FAF1: variants seen among roughly 807,000 people sequenced by gnomAD.
FAF1 encodes Fas associated factor 1.
Under a neutral mutation model 92.5 loss-of-function variants are expected in FAF1, and 25 were observed. The observed-to-expected ratio is 0.27, with a 90% CI of 0.20 to 0.38. FAF1 has a LOEUF of 0.38. Ranked by LOEUF, FAF1 falls within the 10% of genes least tolerant of loss-of-function variation. The pLI is 1.00. For synonymous variants in FAF1, 234 were observed against 273.2 expected (o/e 0.86, Z 1.42); for missense variants, 636 against 793.3 (o/e 0.80, Z 2.38).
At chr1:50,612,972 A>G (rs1409035406) in intron 8 of FAF1, among the ~76,000 whole-genome samples, 1 of 152,198 alleles carries the variant, frequency 6.6e-6, no homozygotes, top group African/African-American at 2.4e-5. Context: ...GTCCTTGAAG[A>G]CACAGCCTGG....
intron 12 of FAF1, among the ~76,000 whole-genome samples, chr1:50,572,169 C>T (rs1650475700): frequency 2.0e-5 from 3 of 152,112 alleles, no homozygotes; most frequent in Admixed American, 1.3e-4. Flanking sequence ...ACAATGGATA[C>T]AATGATACAA....
rs1461122782 is a variant in FAF1 at position 50,539,541 on chromosome 1, A to C, written c.1405+51T>G. ...TGTCAGCTTGGGTGGAAAAACTATA[A>C]AGTTATCACATACCAGGAAGGCTTT... On this transcript the variant is annotated intron_variant, in intron 14 of 18. Coordinates refer to ENST00000396153, the MANE Select transcript of FAF1 (RefSeq NM_007051.3). The C allele has an allele frequency of 2.9e-6, 4 of 1,380,556 alleles. No homozygotes were observed. The African/African-American group carries it at 4.4e-5, about 15-fold the overall frequency. The allele number at this position is 1,380,556 out of a possible 1,614,324, so 85.5% of individuals were successfully genotyped here.
intron 3 of FAF1, among the ~76,000 whole-genome samples, chr1:50,790,225 T>C (rs1661513175): frequency 6.6e-6 from 1 of 152,160 alleles, no homozygotes; most frequent in South Asian, 2.1e-4. Flanking sequence ...CACTGCAGCC[T>C]CCACCTCCTG....
At chr1:50,934,478 T>G (rs1645071445) in intron 1 of FAF1, among the ~76,000 whole-genome samples, 2 of 152,304 alleles carry the variant, frequency 1.3e-5, no homozygotes, top group East Asian at 3.9e-4. Flanking sequence ...ATTCTAGCAC[T>G]TTGGGAGGCC....
chr1:50,594,779 G>A (rs1651711600), intron 9 of FAF1, among the ~76,000 whole-genome samples: 1 of 150,500 alleles, frequency 6.6e-6, no homozygotes, highest in Non-Finnish European at 1.5e-5. Flanking sequence ...GCTGAGGCAG[G>A]ACAATCGCTT....
chr1:50,693,982 TA>T (rs1052411410), intron 7 of FAF1, among the ~76,000 whole-genome samples: 1 of 127,836 alleles, frequency 7.8e-6, no homozygotes, highest in African/African-American at 3.6e-5. Flanking sequence ...CAAAGTGATC[TA>T]TATGTATATG....
At chr1:50,917,348 C>G (rs1644925408) in intron 1 of FAF1, among the ~76,000 whole-genome samples, 1 of 152,072 alleles carries the variant, frequency 6.6e-6, no homozygotes, top group South Asian at 2.1e-4. Flanking sequence ...AGGAAGCTGA[C>G]TTCTGCTAGG....
At chr1:50,634,433 C>G (rs139451119) in intron 8 of FAF1, among the ~76,000 whole-genome samples, 1 of 152,260 alleles carries the variant, frequency 6.6e-6, no homozygotes, top group African/African-American at 2.4e-5. Flanking sequence ...ATTAAGAAAT[C>G]GTATCACATA....
intron 7 of FAF1, among the ~76,000 whole-genome samples, chr1:50,692,492 T>C (rs954492197): frequency 4.6e-5 from 7 of 152,110 alleles, no homozygotes; most frequent in Non-Finnish European, 8.8e-5. Context: ...ATCACTGTTC[T>C]CCTCTCTACT....
intron 1 of FAF1, among the ~76,000 whole-genome samples, chr1:50,935,812 C>T (rs768599215): frequency 6.6e-6 from 1 of 152,158 alleles, no homozygotes; most frequent in Non-Finnish European, 1.5e-5. Context: ...TAATTATGAA[C>T]GCTACTAGTG....
chr1:50,624,029 AAAG>A (rs139953889), intron 8 of FAF1, among the ~76,000 whole-genome samples: 306 of 152,120 alleles, frequency 2.0e-3, no homozygotes, highest in Admixed American at 4.4e-3. Flanking sequence ...AAGAAAGAAG[AAAG>A]AAGAAGAAGA....
intron 4 of FAF1, among the ~76,000 whole-genome samples, chr1:50,747,937 A>C (rs151168256): frequency 1.1e-3 from 173 of 152,278 alleles, no homozygotes; most frequent in African/African-American, 4.0e-3. Context: ...TTCCACCACG[A>C]GTAAAGGCTC....
At position 50,543,239 on chromosome 1, in the gene FAF1, TC is replaced by T. The variant is rs1024605717; in HGVS notation, c.1269-3512del. On this transcript the variant is annotated intron_variant, in intron 13 of 18. Coordinates refer to ENST00000396153, the MANE Select transcript of FAF1 (RefSeq NM_007051.3). ...TCATAATTACCTAAGTCACTGGCTT[TC>T]ACCAAGCTATACTCTAACATAAAAT... Among the ~76,000 whole-genome samples, 9 of 152,318 alleles carry T rather than the reference TC, an allele frequency of 5.9e-5. No homozygotes were observed. In the South Asian group the frequency reaches 8.3e-4, roughly 14 times the overall value.
intron 15 of FAF1, among the ~76,000 whole-genome samples, chr1:50,496,755 G>A (rs1032957541): frequency 2.0e-5 from 3 of 152,144 alleles, no homozygotes; most frequent in Non-Finnish European, 4.4e-5. Flanking sequence ...CGGGCATGGT[G>A]GCACATGCCC....
chr1:50,722,448 A>G (rs796078105), intron 6 of FAF1, among the ~76,000 whole-genome samples: 11 of 152,220 alleles, frequency 7.2e-5, no homozygotes, highest in African/African-American at 2.4e-4. Flanking sequence ...GGAGATTGAG[A>G]CCAGCCTGGC....
chr1:50,864,503 T>C (rs1452454249), intron 1 of FAF1, among the ~76,000 whole-genome samples: 1 of 151,988 alleles, frequency 6.6e-6, no homozygotes, highest in Non-Finnish European at 1.5e-5. Flanking sequence ...TATAGATCAA[T>C]GGAACAGAAC....
At chr1:50,714,345 A>AT (rs113011226) in intron 6 of FAF1, among the ~76,000 whole-genome samples, 146 of 150,454 alleles carry the variant, frequency 9.7e-4, no homozygotes, top group African/African-American at 3.4e-3. Context: ...TCTACTAAAA[A>AT]TTAAAAAAAA....
chr1:50,453,337 T>A (rs1156781133), intron 18 of FAF1, among the ~76,000 whole-genome samples: 1 of 152,220 alleles, frequency 6.6e-6, no homozygotes, highest in Non-Finnish European at 1.5e-5. Context: ...TGCGAGCTGG[T>A]GTGTGCATTG....
At chr1:50,586,239 A>C (rs1217315509) in intron 9 of FAF1, among the ~76,000 whole-genome samples, 1 of 152,034 alleles carries the variant, frequency 6.6e-6, no homozygotes, top group Non-Finnish European at 1.5e-5. Context: ...AAGTAGGACT[A>C]CTCTGGTTGA....
Sources: allele counts gnomAD v4.1 joint callset (sites outside exome capture counted in the v4.1 genomes callset), GRCh38; gene constraint gnomAD v4.1.1; transcripts MANE v1.5; gene names NCBI Gene and HGNC (gene_info 2026-07-23, HGNC 2026-07-21).